ST6GAL1: variants seen among roughly 807,000 people sequenced by gnomAD.
The protein encoded by ST6GAL1 is beta-galactoside alpha-2,6-sialyltransferase 1.
A neutral mutation model predicts 38.0 loss-of-function variants in ST6GAL1; 20 were observed. The observed-to-expected ratio is 0.53, with a 90% CI of 0.37 to 0.77. ST6GAL1 has a LOEUF of 0.77. Ranked by LOEUF, ST6GAL1 falls within the 30% of genes least tolerant of loss-of-function variation. The pLI is 0.00. For missense variants in ST6GAL1, 432 were observed against 496.4 expected (o/e 0.87, Z 1.23); for synonymous variants, 196 against 188.2 (o/e 1.04, Z -0.34).
chr3:186,938,283 C>T (rs920596290), intron 1 of ST6GAL1, among the ~76,000 whole-genome samples: 2 of 152,162 alleles, frequency 1.3e-5, no homozygotes, highest in South Asian at 2.1e-4. Flanking sequence ...AAACTAACAG[C>T]GCAAGCAAGT....
chr3:186,969,739 C>A (rs1253604007), intron 2 of ST6GAL1, among the ~76,000 whole-genome samples: 1 of 152,070 alleles, frequency 6.6e-6, no homozygotes, highest in African/African-American at 2.4e-5. Flanking sequence ...GTCAAGGAAG[C>A]TTCCTTAAGG....
intron 5 of ST6GAL1, among the ~76,000 whole-genome samples, chr3:187,070,712 C>A (rs2377937): frequency 6.6e-6 from 1 of 151,942 alleles, no homozygotes; most frequent in Non-Finnish European, 1.5e-5. Context: ...TGTGAGCCAC[C>A]GCACCCGGCC....
chr3:186,973,327 C>T (rs765464867), intron 2 of ST6GAL1, among the ~76,000 whole-genome samples: 15 of 152,208 alleles, frequency 9.9e-5, no homozygotes, highest in South Asian at 6.2e-4. Flanking sequence ...TGAGCCACTG[C>T]GCCCGGCCCT....
chr3:187,056,210 G>A (rs1045737670), intron 5 of ST6GAL1, among the ~76,000 whole-genome samples: 4 of 152,236 alleles, frequency 2.6e-5, no homozygotes, highest in South Asian at 2.1e-4. Context: ...CTCTGCATGT[G>A]AGATGGGTCT....
intron 2 of ST6GAL1, among the ~76,000 whole-genome samples, chr3:186,987,839 T>G (rs1404581164): frequency 6.6e-6 from 1 of 152,276 alleles, no homozygotes; most frequent in Non-Finnish European, 1.5e-5. Flanking sequence ...ATAAATATGT[T>G]TCTGCTGCTG....
chr3:187,050,802 G>T, intron 4 of ST6GAL1, among the ~76,000 whole-genome samples: 1 of 152,134 alleles, frequency 6.6e-6, no homozygotes, highest in East Asian at 1.9e-4. Context: ...AAGTGCAATG[G>T]GGTCCTTTGC....
At chr3:187,062,082 C>T (rs1022252529) in intron 5 of ST6GAL1, among the ~76,000 whole-genome samples, 1 of 152,152 alleles carries the variant, frequency 6.6e-6, no homozygotes, top group African/African-American at 2.4e-5. Context: ...GGACGTTTCT[C>T]CAAGATATAC....
intron 2 of ST6GAL1, chr3:187,038,467 G>T: frequency 6.6e-6 from 1 of 152,384 alleles, no homozygotes; most frequent in Non-Finnish European, 1.5e-5. Context: ...GCCTGCCTCG[G>T]CCTCCCAAAG....
Position 187,042,770 on chromosome 3 carries a change from A to G in ST6GAL1, c.67A>G (p.Ile23Val), listed in dbSNP as rs538219161. 74 of 1,614,060 alleles carry G rather than the reference A, an allele frequency of 4.6e-5. No homozygotes were observed. Among genetic ancestry groups the G allele is most frequent in the Admixed American group, 1.5e-4 (9 of 60,004 alleles). The change falls in exon 4 of 8, where the codon ATC becomes GTC. Residue 23 changes from isoleucine (I) to valine (V), a missense_variant. By Grantham distance (29) the Ile-to-Val change is conservative (BLOSUM62 3). Transcript: ENST00000169298. ...CCTGGTCTTTCTTCTGTTTGCAGTC[A>G]TCTGTGTGTGGAAGGAAAAGAAGAA... ...CVLVFLLFAV[I>V]CVWKEKKKGS...
At chr3:187,023,782 C>T (rs554551063) in intron 2 of ST6GAL1, among the ~76,000 whole-genome samples, 1 of 151,448 alleles carries the variant, frequency 6.6e-6, no homozygotes, top group South Asian at 2.1e-4. Context: ...ATACCTAATG[C>T]TAAATGATGA....
chr3:186,952,081 A>G lies in ST6GAL1; in HGVS notation c.-324-11704A>G, dbSNP rs4012260. On this transcript the variant is annotated intron_variant, in intron 1 of 7. Transcript: ENST00000169298. This position sits in a 1 kb window ranked among gnomAD's most constrained non-coding sequence, Gnocchi z 4.1. ...TTTGGCTCATGATTCTGCAGGCTGT[A>G]CAGGCATGGCACCCACATCATCTTC... is the stretch of plus-strand genomic sequence containing the variant. 0.14 allele frequency among the ~76,000 whole-genome samples: 21,366 copies of G among 152,200 alleles called. 2,615 individuals carry two copies. Among genetic ancestry groups the G allele is most frequent in the African/African-American group, 0.33 (13,833 of 41,468 alleles).
At position 186,984,472 on chromosome 3, in the gene ST6GAL1, C is replaced by T. The variant is rs1278693469; in HGVS notation, c.-183+20546C>T. Among the ~76,000 whole-genome samples the T allele has an allele frequency of 3.3e-5, 5 of 152,228 alleles. No homozygotes were observed. The South Asian group carries it at 1.0e-3, about 32-fold the overall frequency. On this transcript the variant is annotated intron_variant, in intron 2 of 7. Transcript: ENST00000169298. ...CACCTCCCCGACATCGTTGTTTGTT[C>T]CTCCCGGACCCCGTCTCCATGTACC...
At chr3:186,947,105 C>T (rs977060899) in intron 1 of ST6GAL1, among the ~76,000 whole-genome samples, 1 of 151,916 alleles carries the variant, frequency 6.6e-6, no homozygotes, top group Admixed American at 6.6e-5. Flanking sequence ...GTTGGTGGTT[C>T]GTGGTTGGAG....
chr3:187,073,917 T>C (rs1398646985), intron 6 of ST6GAL1: 2 of 363,684 alleles, frequency 5.5e-6, no homozygotes, highest in Non-Finnish European at 9.7e-6. Context: ...GAAGCTGATC[T>C]TGGGTCGCCA....
At chr3:186,969,861 G>A (rs925447552) in intron 2 of ST6GAL1, among the ~76,000 whole-genome samples, 3 of 152,230 alleles carry the variant, frequency 2.0e-5, no homozygotes, top group Non-Finnish European at 2.9e-5. Context: ...AAACGTCGTG[G>A]TACACACAGT....
chr3:187,050,219 T>C (rs1345041533), intron 4 of ST6GAL1, among the ~76,000 whole-genome samples: 4 of 152,132 alleles, frequency 2.6e-5, no homozygotes, highest in Non-Finnish European at 5.9e-5. Flanking sequence ...CAAACCTGAA[T>C]AGGACAATAG....
intron 1 of ST6GAL1, among the ~76,000 whole-genome samples, chr3:186,954,054 T>C (rs1714667601): frequency 6.6e-6 from 1 of 152,130 alleles, no homozygotes; most frequent in African/African-American, 2.4e-5. Context: ...ATTGTTTAGC[T>C]CCCACTTATA....
chr3:186,947,449 C>T (rs1024110986), intron 1 of ST6GAL1, among the ~76,000 whole-genome samples: 1 of 152,064 alleles, frequency 6.6e-6, no homozygotes, highest in Non-Finnish European at 1.5e-5. Context: ...ATTTGTGGTG[C>T]ACAGAGACCG....
chr3:187,002,055 T>G (rs980677342), intron 2 of ST6GAL1, among the ~76,000 whole-genome samples: 5 of 151,652 alleles, frequency 3.3e-5, no homozygotes, highest in African/African-American at 4.8e-5. Flanking sequence ...TATATTGGTG[T>G]TGTAATTAGC....
Sources: allele counts gnomAD v4.1 joint callset (sites outside exome capture counted in the v4.1 genomes callset), GRCh38; gene constraint gnomAD v4.1.1; non-coding constraint Gnocchi (gnomAD v3.1); transcripts MANE v1.5; gene names NCBI Gene and HGNC (gene_info 2026-07-23, HGNC 2026-07-21).